The following MIPEP variants were observed in gnomAD, a reference collection of about 807,000 sequenced individuals.
MIPEP encodes mitochondrial intermediate peptidase.
A neutral mutation model predicts 90.3 loss-of-function variants in MIPEP; 79 were observed. That is an observed-to-expected ratio of 0.87 (90% CI 0.73 to 1.05). The LOEUF (loss-of-function observed/expected upper bound fraction) is 1.05. Among genes scored for constraint, MIPEP ranks in the 50% least tolerant of loss-of-function variants. The probability of loss-of-function intolerance (pLI) is 0.00; values close to 1 mark genes in which losing one functional copy is unlikely to be tolerated. For missense variants in MIPEP, 940 were observed against 905.6 expected (o/e 1.04, Z -0.49); for synonymous variants, 334 against 315.8 (o/e 1.06, Z -0.61).
At chr13:23,803,435 A>G (rs1304709520) in intron 16 of MIPEP, among the ~76,000 whole-genome samples, 1 of 152,178 alleles carries the variant, frequency 6.6e-6, no homozygotes, top group African/African-American at 2.4e-5. Context: ...ATCTTCTAAA[A>G]TTTAAAGCTT....
chr13:23,834,699 C>T (rs1868945779), intron 14 of MIPEP, among the ~76,000 whole-genome samples: 1 of 152,158 alleles, frequency 6.6e-6, no homozygotes, highest in South Asian at 2.1e-4. Context: ...TCCTCCTGCA[C>T]TTCTCCTCCC....
At chr13:23,874,816 AAG>A in intron 5 of MIPEP, 28 bp downstream of exon 5, 1 of 1,550,750 alleles carries the variant, frequency 6.4e-7, no homozygotes, top group Non-Finnish European at 8.7e-7. Flanking sequence ...GTAAAACTGG[AAG>A]AGTCAAAAAA....
chr13:23,872,539 G>A (rs947567775), intron 5 of MIPEP, among the ~76,000 whole-genome samples: 1 of 152,148 alleles, frequency 6.6e-6, no homozygotes, highest in Non-Finnish European at 1.5e-5. Flanking sequence ...AGATTTTGTT[G>A]GTGGGTTTAT....
At chr13:23,799,471 C>T (rs866970774) in intron 16 of MIPEP, among the ~76,000 whole-genome samples, 3 of 152,062 alleles carry the variant, frequency 2.0e-5, no homozygotes, top group Admixed American at 6.6e-5. Flanking sequence ...GGGCTACATG[C>T]GCCCGCCACC....
intron 1 of MIPEP, among the ~76,000 whole-genome samples, chr13:23,887,670 AGTGACC>A (rs1225933085): frequency 6.6e-6 from 1 of 152,210 alleles, no homozygotes; most frequent in East Asian, 1.9e-4. Flanking sequence ...GAAAGAAACA[AGTGACC>A]GGAGCAGATG....
At chr13:23,808,457 G>A (rs1953136937) in intron 15 of MIPEP, among the ~76,000 whole-genome samples, 1 of 151,946 alleles carries the variant, frequency 6.6e-6, no homozygotes, top group South Asian at 2.1e-4. Context: ...CTTTCCACCC[G>A]TGTTCATCTC....
At chr13:23,736,107 C>A (rs569519938) in intron 18 of MIPEP, among the ~76,000 whole-genome samples, 26 of 152,270 alleles carry the variant, frequency 1.7e-4, no homozygotes, top group African/African-American at 5.5e-4. Context: ...CCCCTGGGAA[C>A]CAGCTTGGAG....
At chr13:23,841,195 A>AT (rs954727418) in intron 11 of MIPEP, 140 bp downstream of exon 11, 49 of 689,062 alleles carry the variant, frequency 7.1e-5, no homozygotes, top group South Asian at 2.1e-4. Flanking sequence ...TGCAATTTGG[A>AT]TTTTTTTTGT....
chr13:23,826,188 T>G (rs146735191), intron 14 of MIPEP, among the ~76,000 whole-genome samples: 8 of 152,098 alleles, frequency 5.3e-5, no homozygotes, highest in African/African-American at 1.7e-4. Flanking sequence ...TCTCAAAATA[T>G]AGAGAGCAAA....
In MIPEP at chr13:23,748,736, G is replaced by A. The variant is rs529492259; in HGVS notation, c.2044+7809C>T. Among the ~76,000 whole-genome samples the A allele has an allele frequency of 4.6e-5, 7 of 152,240 alleles. No individual in the cohort carries two copies. In the South Asian group the frequency reaches 1.2e-3, roughly 27 times the overall value. On this transcript the variant is annotated intron_variant, in intron 18 of 18. Coordinates refer to ENST00000382172, the MANE Select transcript of MIPEP (RefSeq NM_005932.4). The stretch of plus-strand genomic sequence containing the variant: ...CCTTCCTCCTAAGTCCCTCACAAAT[G>A]TAAAACACACCCTGGGGTGGGCACT...
intron 16 of MIPEP, among the ~76,000 whole-genome samples, chr13:23,786,392 C>T (rs1323566317): frequency 1.3e-5 from 2 of 151,782 alleles, no homozygotes; most frequent in Admixed American, 6.6e-5. Flanking sequence ...TTAAGCATAA[C>T]AGGAAACGGA....
chr13:23,800,657 T>G (rs1014401585), intron 16 of MIPEP, among the ~76,000 whole-genome samples: 2 of 152,214 alleles, frequency 1.3e-5, no homozygotes, highest in African/African-American at 4.8e-5. Context: ...TAGAAGGCTA[T>G]TTATTGACTT....
Position 23,889,311 on chromosome 13 carries a change from C to T in MIPEP, c.10G>A (p.Val4Ile), listed in dbSNP as rs3814792. 7 of 1,346,644 alleles carry T rather than the reference C, an allele frequency of 5.2e-6. No homozygotes were observed. In the East Asian group the frequency reaches 2.2e-4, roughly 42 times the overall value. The allele number at this position is 1,346,644 out of a possible 1,614,324, so 83.4% of individuals were successfully genotyped here. ...GCTCCCAAGCCGCCCAGCCTTCCGA[C>T]GCACAGCATTCTAGCACCAGAGCAG... is the stretch of plus-strand genomic sequence containing the variant. MLC[V>I]GRLGGLGARA... The change falls in exon 1 of 19, where the codon GTC becomes ATC. Residue 4 changes from valine (V) to isoleucine (I), a missense_variant. Coordinates refer to ENST00000382172, the MANE Select transcript of MIPEP (RefSeq NM_005932.4).
At chr13:23,866,989 A>G (rs762691955) in intron 7 of MIPEP, among the ~76,000 whole-genome samples, 10 of 147,174 alleles carry the variant, frequency 6.8e-5, no homozygotes, top group Non-Finnish European at 1.2e-4. Context: ...ACATCTTACC[A>G]CCTTCCCTGC....
Position 23,845,707 on chromosome 13 carries a change from C to T in MIPEP, c.1107-4219G>A, listed in dbSNP as rs114156295. 4.3e-3 allele frequency among the ~76,000 whole-genome samples: 650 copies of T among 152,286 alleles called. 2 individuals carry two copies. Among genetic ancestry groups the T allele is most frequent in the African/African-American group, 0.015 (623 of 41,562 alleles). Reference sequence around the variant, plus strand: ...TTTCCAAATTATCCTCTAAAAAAAGCTGTTTCTAACTTACATTCCTACCTG... The same window carrying T: ...TTTCCAAATTATCCTCTAAAAAAAGTTGTTTCTAACTTACATTCCTACCTG... On this transcript the variant is annotated intron_variant, in intron 10 of 18. Transcript: ENST00000382172.
chr13:23,774,438 A>T (rs976648788), intron 16 of MIPEP, among the ~76,000 whole-genome samples: 1 of 151,856 alleles, frequency 6.6e-6, no homozygotes, highest in South Asian at 2.1e-4. Context: ...CATTTTCTAT[A>T]AAAAAAAGCA....
chr13:23,851,276 G>A (rs1869788921), intron 10 of MIPEP, among the ~76,000 whole-genome samples: 1 of 152,180 alleles, frequency 6.6e-6, no homozygotes, highest in African/African-American at 2.4e-5. Context: ...ACTTTTCAGT[G>A]CAATTGGCCA....
intron 2 of MIPEP, among the ~76,000 whole-genome samples, chr13:23,882,109 G>A (rs1327641427): frequency 1.5e-5 from 2 of 137,580 alleles, no homozygotes; most frequent in Middle Eastern, 4.0e-3. Flanking sequence ...TTGCTCCGTC[G>A]CCCAGGCTGG....
chr13:23,755,850 T>C (rs952304794), intron 18 of MIPEP, among the ~76,000 whole-genome samples: 1 of 152,128 alleles, frequency 6.6e-6, no homozygotes, highest in African/African-American at 2.4e-5. Flanking sequence ...TGCCTTGGAA[T>C]TTCTTGAAAA....
Sources: allele counts gnomAD v4.1 joint callset (sites outside exome capture counted in the v4.1 genomes callset), GRCh38; gene constraint gnomAD v4.1.1; transcripts MANE v1.5; gene names NCBI Gene and HGNC (gene_info 2026-07-23, HGNC 2026-07-21).